The following UNC80 variants were observed in gnomAD, a reference collection of about 807,000 sequenced individuals.
UNC80 encodes the protein unc-80 subunit of NALCN channel complex.
A neutral mutation model predicts 384.6 loss-of-function variants in UNC80; 164 were observed. The observed-to-expected ratio is 0.43, with a 90% CI of 0.38 to 0.49. The LOEUF (loss-of-function observed/expected upper bound fraction) is 0.49, where lower values mean the gene tolerates loss of function less well. Ranked by LOEUF, UNC80 falls within the 20% of genes least tolerant of loss-of-function variation. The pLI is 0.00. For synonymous variants in UNC80, 1,486 were observed against 1,527.8 expected (o/e 0.97, Z 0.64); for missense variants, 3,330 against 4,143.0 (o/e 0.80, Z 5.39).
intron 45 of UNC80, among the ~76,000 whole-genome samples, chr2:209,944,417 A>T (rs1161326106): frequency 6.6e-6 from 1 of 152,140 alleles, no homozygotes; most frequent in Non-Finnish European, 1.5e-5. Context: ...ATCTTCATGA[A>T]AGCAAGACCT....
At chr2:209,938,607 T>C (rs2091403132) in intron 42 of UNC80, among the ~76,000 whole-genome samples, 1 of 151,690 alleles carries the variant, frequency 6.6e-6, no homozygotes, top group African/African-American at 2.4e-5. Flanking sequence ...CTCCTCAAAT[T>C]ACCCCAGCCC....
At chr2:209,937,424 C>T (rs1301668334) in intron 41 of UNC80, 105 bp from the exon 42 acceptor site, 7 of 829,282 alleles carry the variant, frequency 8.4e-6, no homozygotes, top group Middle Eastern at 2.8e-4. Context: ...CTGCTTTTCT[C>T]CTGGCATAGC....
chr2:209,854,704 A>G (rs2082768660), intron 22 of UNC80, among the ~76,000 whole-genome samples: 1 of 152,246 alleles, frequency 6.6e-6, no homozygotes, highest in South Asian at 2.1e-4. Flanking sequence ...AAAGCTCAAC[A>G]TCATTGATCA....
In UNC80 at chr2:209,772,053, G is replaced by A. The variant is rs1407033727; in HGVS notation, c.-20G>A. 1 of 1,540,688 alleles carries A rather than the reference G, an allele frequency of 6.5e-7. No individual in the cohort carries two copies. Among genetic ancestry groups the A allele is most frequent in the South Asian group, 1.2e-5 (1 of 83,852 alleles). On this transcript the variant is annotated 5_prime_UTR_variant, in exon 1 of 65. Transcript: ENST00000673920. ...GAGACAGAGCTGGGTCCTGCAGTAG[G>A]ACTCCCGGGAGCCACCATTATGGTG...
At chr2:209,784,051 T>G (rs1162922562) in intron 4 of UNC80, among the ~76,000 whole-genome samples, 3 of 152,148 alleles carry the variant, frequency 2.0e-5, no homozygotes, top group African/African-American at 4.8e-5. Context: ...AACCTGCTCC[T>G]CCTTCATCTT....
intron 22 of UNC80, among the ~76,000 whole-genome samples, chr2:209,869,432 C>G (rs567077891): frequency 3.3e-5 from 5 of 152,290 alleles, no homozygotes; most frequent in African/African-American, 9.6e-5. Flanking sequence ...ATTGCAAACT[C>G]AGCAAACTTA....
At chr2:209,849,651 C>T (rs2082382977) in intron 22 of UNC80, 28 bp downstream of exon 22, 1 of 1,547,440 alleles carries the variant, frequency 6.5e-7, no homozygotes, top group African/African-American at 1.4e-5. Context: ...TTTTCCCACC[C>T]TGCCCCCCAT....
chr2:209,971,600 C>A (rs199993271), intron 54 of UNC80, among the ~76,000 whole-genome samples: 1 of 111,788 alleles, frequency 8.9e-6, no homozygotes, highest in Non-Finnish European at 2.2e-5. Flanking sequence ...GGATAACTGA[C>A]CCATCCGTCG....
chr2:209,941,123 A>ACAGCAG, intron 43 of UNC80, 98 bp from the exon 44 acceptor site: 2 of 1,384,070 alleles, frequency 1.4e-6, no homozygotes, highest in Non-Finnish European at 1.9e-6. Flanking sequence ...TGGAGCTGGA[A>ACAGCAG]CAAACGGAGA....
chr2:209,976,797 A>G lies in UNC80; in HGVS notation c.8773-116A>G. On this transcript the variant is annotated intron_variant, in intron 57 of 64. Coordinates refer to ENST00000673920, the MANE Select transcript of UNC80 (RefSeq NM_001371986.1). This position sits in a 1 kb window ranked among gnomAD's most constrained non-coding sequence, Gnocchi z 4.3. ...CACTTCCTGTGTAAAGTGCCGTTCT[A>G]GGAACATCACATGCATTACCTTATT... The G allele has an allele frequency of 8.3e-7, 1 of 1,197,720 alleles. No homozygotes were observed. Among genetic ancestry groups the G allele is most frequent in the Non-Finnish European group, 1.1e-6 (1 of 876,412 alleles). The allele number at this position is 1,197,720 out of a possible 1,614,324, so 74.2% of individuals were successfully genotyped here. A position where few individuals can be genotyped will look rare whatever the true frequency, so the allele number is the denominator to read the frequency against.
chr2:209,942,710 T>A (rs953041559), intron 44 of UNC80, among the ~76,000 whole-genome samples: 2 of 121,998 alleles, frequency 1.6e-5, no homozygotes, highest in Non-Finnish European at 3.1e-5. Context: ...TTAGTAAGTA[T>A]TTTTTTTTTA....
At chr2:209,863,089 A>G (rs1335420015) in intron 22 of UNC80, among the ~76,000 whole-genome samples, 1 of 152,152 alleles carries the variant, frequency 6.6e-6, no homozygotes, top group African/African-American at 2.4e-5. Flanking sequence ...TCCTTTGCTT[A>G]TAAAGCTTCA....
rs1489521517 is a variant in UNC80, at chr2:209,959,846, A to AT, written c.7805+139_7805+140insT. The AT allele has an allele frequency of 5.3e-6, 4 of 761,592 alleles. No homozygotes were observed. The African/African-American group carries it at 7.1e-5, about 13-fold the overall frequency. The allele number at this position is 761,592 out of a possible 1,614,324, so 47.2% of individuals were successfully genotyped here. A position where few individuals can be genotyped will look rare whatever the true frequency, so the allele number is the denominator to read the frequency against. On this transcript the variant is annotated intron_variant, in intron 51 of 64. Transcript: ENST00000673920. ...GATTTGTTTCCGGTGACTTAGGTACACATCATACAGAACCCTCTGCTAAAG... is the reference window on the plus strand; with the variant it reads ...GATTTGTTTCCGGTGACTTAGGTACATCATCATACAGAACCCTCTGCTAAAG...
At chr2:209,794,475 T>G (rs540811160) in intron 7 of UNC80, among the ~76,000 whole-genome samples, 1 of 152,188 alleles carries the variant, frequency 6.6e-6, no homozygotes. Context: ...AATTATAGCC[T>G]AGTAATACAT....
Position 209,878,083 on chromosome 2 carries a change from G to T in UNC80, c.3970G>T (p.Asp1324Tyr). The T allele has an allele frequency of 3.3e-6, 5 of 1,537,932 alleles. No homozygotes were observed. The highest frequency in any genetic ancestry group is 4.4e-6 in the Non-Finnish European group (5 of 1,140,568). ...GGAGGATGAGGAGGAAGACTTTTTA[G>T]ATGACAGTAAGGAGACTCCCTTTAC... ...RKEDEEEDFL[D>Y]DSTVNPSKCG... Residue 1324 changes from aspartate to tyrosine, a missense_variant, in exon 24 of 65, where the codon GAT becomes TAT. Asp to Tyr is a radical substitution (Grantham distance 160). Transcript: ENST00000673920.
In UNC80 at chr2:209,934,039, T is replaced by TA. The variant is rs759079931; in HGVS notation, c.6178+43dup. 2.9e-4 allele frequency: 428 copies of TA among 1,470,884 alleles called. 1 individual carries two copies. In the South Asian group the frequency reaches 3.9e-3, roughly 13 times the overall value. The allele number at this position is 1,470,884 out of a possible 1,614,324, so 91.1% of individuals were successfully genotyped here. A position where few individuals can be genotyped will look rare whatever the true frequency, so the allele number is the denominator to read the frequency against. On this transcript the variant is annotated intron_variant, in intron 39 of 64. Transcript: ENST00000673920. Reference sequence around the variant, plus strand: ...CTACTACTTTTTAGTAACATAACTTTAAAAAAAAATTATAAATAGCCCTTT... The same window carrying TA: ...CTACTACTTTTTAGTAACATAACTTTAAAAAAAAAATTATAAATAGCCCTTT...
rs771266886 is a variant in UNC80 at position 209,939,634 on chromosome 2, C to T, written c.6628C>T (p.Leu2210Phe). Reference sequence around the variant, plus strand: ...TAGTGCTATTGATGCTGAGTTTTCACTCTTCAGTGATCCTCAAGGTATCAA... The same window carrying T: ...TAGTGCTATTGATGCTGAGTTTTCATTCTTCAGTGATCCTCAAGGTATCAA... ...PRSAIDAEFS[L>F]FSDPQAGKEL... Residue 2210 changes from leucine to phenylalanine, a missense_variant, in exon 43 of 65, where the codon CTC becomes TTC. Physicochemically the swap from Leu to Phe is conservative, Grantham distance 22. This residue lies in a region of UNC80 where 1,049 missense variants were observed against 1,488.6 expected (regional missense o/e 0.70). Transcript: ENST00000673920. 1.8e-5 allele frequency: 28 copies of T among 1,550,888 alleles called. No homozygotes were observed. Among genetic ancestry groups the T allele is most frequent in the Non-Finnish European group, 2.2e-5 (25 of 1,146,448 alleles).
chr2:209,812,136 G>A (rs2079398502), intron 7 of UNC80, among the ~76,000 whole-genome samples: 1 of 152,008 alleles, frequency 6.6e-6, no homozygotes, highest in African/African-American at 2.4e-5. Flanking sequence ...TGCAAGCTCC[G>A]CCTCCCGGGT....
At chr2:209,796,838 C>G (rs1257984652) in intron 7 of UNC80, among the ~76,000 whole-genome samples, 1 of 152,134 alleles carries the variant, frequency 6.6e-6, no homozygotes, top group Non-Finnish European at 1.5e-5. Flanking sequence ...ATTTCTTTAT[C>G]AACAGCGTGA....
Sources: allele counts gnomAD v4.1 joint callset (sites outside exome capture counted in the v4.1 genomes callset), GRCh38; gene constraint gnomAD v4.1.1; regional missense constraint gnomAD v4.1.1; non-coding constraint Gnocchi (gnomAD v3.1); transcripts MANE v1.5; gene names NCBI Gene and HGNC (gene_info 2026-07-23, HGNC 2026-07-21).